SDK1: variants seen among roughly 807,000 people sequenced by gnomAD.
SDK1 encodes the protein protein sidekick-1.
In SDK1, 157 loss-of-function variants were observed where a neutral mutation model predicts 245.5. The ratio of observed to expected loss-of-function variants is 0.64; its 90% CI spans 0.56 to 0.73. The LOEUF (loss-of-function observed/expected upper bound fraction) is 0.73, where lower values mean the gene tolerates loss of function less well. Ranked by LOEUF, SDK1 falls within the 30% of genes least tolerant of loss-of-function variation. SDK1 has a pLI of 0.00. For synonymous variants in SDK1, 1,647 were observed against 1,278.5 expected (o/e 1.29, Z -6.15); for missense variants, 3,583 against 3,002.3 (o/e 1.19, Z -4.52).
chr7:3,370,208 T>C (rs1179689801), intron 1 of SDK1, among the ~76,000 whole-genome samples: 1 of 152,184 alleles, frequency 6.6e-6, no homozygotes, highest in Non-Finnish European at 1.5e-5. Flanking sequence ...CATGAATACA[T>C]AGGTTTTCAG....
intron 26 of SDK1, 68 bp from the exon 27 acceptor site, chr7:4,129,840 C>T (rs1784674939): frequency 1.3e-6 from 2 of 1,597,972 alleles, no homozygotes; most frequent in African/African-American, 1.3e-5. Context: ...AGGGGGCCTG[C>T]CCCATGCCAC....
intron 4 of SDK1, among the ~76,000 whole-genome samples, chr7:3,656,281 GA>G (rs1783181933): frequency 6.6e-6 from 1 of 152,146 alleles, no homozygotes; most frequent in Admixed American, 6.5e-5. Flanking sequence ...TCCTAAGAGA[GA>G]CATTTTTGCT....
chr7:3,479,746 T>A lies in SDK1; in HGVS notation c.299-139334T>A, dbSNP rs1583921016. 4.0e-5 allele frequency among the ~76,000 whole-genome samples: 6 copies of A among 151,454 alleles called. No homozygotes were observed. In the South Asian group the frequency reaches 1.3e-3, roughly 32 times the overall value. On this transcript the variant is annotated intron_variant, in intron 1 of 44. Transcript: ENST00000404826. ...GCATGGTGGCGTGTGCATGTAGTCC[T>A]AGCTACTCAGGAAGTTGAGGCAGGA...
chr7:3,731,413 C>G (rs997511416), intron 4 of SDK1, among the ~76,000 whole-genome samples: 2 of 152,230 alleles, frequency 1.3e-5, no homozygotes. Context: ...TGTGGAGCCA[C>G]TGATCCCATC....
At chr7:4,145,693 C>T in intron 28 of SDK1, 29 bp from the exon 29 acceptor site, 2 of 1,573,082 alleles carry the variant, frequency 1.3e-6, no homozygotes, top group East Asian at 2.3e-5. Flanking sequence ...ACTGGCTCAG[C>T]AGCTGTCTCC....
chr7:4,181,227 G>A (rs980397589), intron 35 of SDK1, among the ~76,000 whole-genome samples: 2 of 152,174 alleles, frequency 1.3e-5, no homozygotes, highest in African/African-American at 2.4e-5. Flanking sequence ...CCTTGCCCTC[G>A]GCGTGAGGTT....
At chr7:3,474,699 T>A (rs532121667) in intron 1 of SDK1, among the ~76,000 whole-genome samples, 1 of 152,240 alleles carries the variant, frequency 6.6e-6, no homozygotes, top group South Asian at 2.1e-4. Context: ...TACTTCTATT[T>A]TTATTTTTTG....
intron 4 of SDK1, among the ~76,000 whole-genome samples, chr7:3,766,830 C>G (rs1434188158): frequency 6.6e-6 from 1 of 152,108 alleles, no homozygotes; most frequent in Non-Finnish European, 1.5e-5. Flanking sequence ...GATGTGGATA[C>G]TTTGGAATTA....
At position 3,434,698 on chromosome 7, in the gene SDK1, T is replaced by C. The variant is rs559447791; in HGVS notation, c.298+132814T>C. Among the ~76,000 whole-genome samples the C allele has an allele frequency of 2.3e-4, 35 of 152,290 alleles. No individual in the cohort carries two copies. In the South Asian group the frequency reaches 6.8e-3, roughly 30 times the overall value. On this transcript the variant is annotated intron_variant, in intron 1 of 44. Coordinates refer to ENST00000404826, the MANE Select transcript of SDK1 (RefSeq NM_152744.4). ...GTGTGGATGGTTTTAACCAGTTCTC[T>C]CGATTTGCCTCCCTGTGAGGTGTGA...
chr7:4,255,258 C>T (rs1787553626), intron 44 of SDK1, among the ~76,000 whole-genome samples: 2 of 152,342 alleles, frequency 1.3e-5, no homozygotes, highest in East Asian at 1.9e-4. Context: ...CAACAATGTC[C>T]TTAGGTATGC....
chr7:3,894,098 C>T (rs545563883), intron 5 of SDK1, among the ~76,000 whole-genome samples: 12 of 152,172 alleles, frequency 7.9e-5, no homozygotes, highest in Non-Finnish European at 1.6e-4. Flanking sequence ...GTTTTAAGTA[C>T]TTCATGCTTG....
chr7:3,502,391 A>G (rs1476797145), intron 1 of SDK1, among the ~76,000 whole-genome samples: 1 of 152,150 alleles, frequency 6.6e-6, no homozygotes, highest in East Asian at 1.9e-4. Context: ...GTGGGATTAC[A>G]GGTGCCTACC....
chr7:3,666,850 G>A (rs1562642657), intron 4 of SDK1, among the ~76,000 whole-genome samples: 1 of 152,158 alleles, frequency 6.6e-6, no homozygotes, highest in Non-Finnish European at 1.5e-5. Context: ...TGGAAACGAG[G>A]GATAAATGCC....
chr7:3,313,970 G>T (rs1395610377), intron 1 of SDK1, among the ~76,000 whole-genome samples: 1 of 152,118 alleles, frequency 6.6e-6, no homozygotes, highest in Non-Finnish European at 1.5e-5. Flanking sequence ...TTCATCTAAT[G>T]CCTCAGTGAA....
At position 4,157,465 on chromosome 7, in the gene SDK1, A is replaced by G. The variant is rs1405802584; in HGVS notation, c.4626-983A>G. 2.5e-4 allele frequency among the ~76,000 whole-genome samples: 8 copies of G among 31,384 alleles called. 1 individual carries two copies. Among genetic ancestry groups the G allele is most frequent in the African/African-American group, 6.4e-4 (3 of 4,714 alleles). 20.6% of individuals were successfully genotyped at this position (31,384 alleles called of 152,430 possible). A position where few individuals can be genotyped will look rare whatever the true frequency, so the allele number is the denominator to read the frequency against. On this transcript the variant is annotated intron_variant, in intron 30 of 44. Transcript: ENST00000404826. Reference sequence around the variant, plus strand: ...AGGAGGGAAGGGAGGTGGAAGGGAGAGAAGGAAGGAGGGAAGGAAGGGAGG... The same window carrying G: ...AGGAGGGAAGGGAGGTGGAAGGGAGGGAAGGAAGGAGGGAAGGAAGGGAGG...
rs57138474 is a variant in SDK1, at chr7:3,317,180, C to CAAAAAA, written c.298+15319_298+15324dup. 1.1e-3 allele frequency among the ~76,000 whole-genome samples: 37 copies of CAAAAAA among 32,728 alleles called. 4 individuals carry two copies. The highest frequency in any genetic ancestry group is 1.9e-3 in the Non-Finnish European group (33 of 17,778). The allele number at this position is 32,728 out of a possible 152,430, so 21.5% of individuals were successfully genotyped here. A position where few individuals can be genotyped will look rare whatever the true frequency, so the allele number is the denominator to read the frequency against. On this transcript the variant is annotated intron_variant, in intron 1 of 44. Coordinates refer to ENST00000404826, the MANE Select transcript of SDK1 (RefSeq NM_152744.4). The stretch of plus-strand genomic sequence containing the variant: ...TGGGCAACAGAGTGAGACTCTGTCT[C>CAAAAAA]AAAAAAAAAAAAAAAAAAAAAAAAA...
intron 1 of SDK1, among the ~76,000 whole-genome samples, chr7:3,454,239 A>G (rs1780605471): frequency 6.6e-6 from 1 of 152,222 alleles, no homozygotes; most frequent in Admixed American, 6.5e-5. Flanking sequence ...CAGGTCCACA[A>G]ATAAAATCGA....
At chr7:3,399,221 C>T (rs977596662) in intron 1 of SDK1, among the ~76,000 whole-genome samples, 2 of 151,948 alleles carry the variant, frequency 1.3e-5, no homozygotes, top group Non-Finnish European at 2.9e-5. Flanking sequence ...TTTTTCTGCT[C>T]ATTTTTGTCA....
At chr7:3,967,564 T>A (rs1458780749) in intron 10 of SDK1, 130 bp downstream of exon 10, 1 of 661,676 alleles carries the variant, frequency 1.5e-6, no homozygotes, top group Non-Finnish European at 2.7e-6. Context: ...AAATAACTCT[T>A]ATTGCAGCAG....
Sources: allele counts gnomAD v4.1 joint callset (sites outside exome capture counted in the v4.1 genomes callset), GRCh38; gene constraint gnomAD v4.1.1; transcripts MANE v1.5; gene names NCBI Gene and HGNC (gene_info 2026-07-23, HGNC 2026-07-21).